The following CD38 variants were observed in gnomAD, a reference collection of about 807,000 sequenced individuals.
CD38 encodes CD38 molecule, also known as ADP-ribosyl cyclase/cyclic ADP-ribose hydrolase 1.
In CD38, 31 loss-of-function variants were observed where a neutral mutation model predicts 36.3. That is an observed-to-expected ratio of 0.85 (90% CI 0.64 to 1.15). The LOEUF is 1.15. CD38 is among the 50% of genes most tolerant of loss of function. The probability of loss-of-function intolerance (pLI) is 0.00; values close to 1 mark genes in which losing one functional copy is unlikely to be tolerated. For missense variants in CD38, 380 were observed against 371.9 expected (o/e 1.02, Z -0.18); for synonymous variants, 131 against 135.2 (o/e 0.97, Z 0.22).
intron 3 of CD38, among the ~76,000 whole-genome samples, chr4:15,830,710 T>C (rs1723942199): frequency 6.6e-6 from 1 of 152,144 alleles, no homozygotes; most frequent in Non-Finnish European, 1.5e-5. Flanking sequence ...TTTCTTGTAG[T>C]AGTTTGCAGT....
At chr4:15,839,471 TG>T (rs2148928433) in intron 5 of CD38, among the ~76,000 whole-genome samples, 1 of 142,802 alleles carries the variant, frequency 7.0e-6, no homozygotes, top group Admixed American at 7.3e-5. Context: ...TTGCCCAGGC[TG>T]GAGTGCAGTG....
At chr4:15,818,660 G>T (rs1271225692) in intron 2 of CD38, among the ~76,000 whole-genome samples, 3 of 152,154 alleles carry the variant, frequency 2.0e-5, no homozygotes, top group African/African-American at 7.2e-5. Context: ...GGAAGGAGCA[G>T]GCTGTCATCT....
At chr4:15,832,747 C>T (rs367865667) in intron 3 of CD38, among the ~76,000 whole-genome samples, 8 of 152,268 alleles carry the variant, frequency 5.3e-5, no homozygotes, top group African/African-American at 1.9e-4. Context: ...TATATTTGCT[C>T]AAGGCTCTGG....
intron 3 of CD38, among the ~76,000 whole-genome samples, chr4:15,830,637 C>T (rs372909041): frequency 5.3e-5 from 8 of 152,192 alleles, no homozygotes; most frequent in African/African-American, 1.9e-4. Context: ...TGCCTGTGCT[C>T]ATGGGGTATT....
intron 1 of CD38, among the ~76,000 whole-genome samples, chr4:15,811,897 G>A (rs2148921096): frequency 6.6e-6 from 1 of 152,286 alleles, no homozygotes; most frequent in South Asian, 2.1e-4. Flanking sequence ...GTATGGTAAG[G>A]GTCTTAACAC....
At chr4:15,813,308 G>GTT (rs150758066) in intron 1 of CD38, among the ~76,000 whole-genome samples, 1 of 151,832 alleles carries the variant, frequency 6.6e-6, no homozygotes, top group African/African-American at 2.4e-5. Flanking sequence ...TCTGCTCAGT[G>GTT]TTTTTTTCAT....
At chr4:15,832,865 A>G (rs1216446277) in intron 3 of CD38, among the ~76,000 whole-genome samples, 1 of 152,182 alleles carries the variant, frequency 6.6e-6, no homozygotes, top group Non-Finnish European at 1.5e-5. Context: ...TCCAGAAGCC[A>G]GGGACTAGAG....
At chr4:15,837,988 A>T in intron 4 of CD38, 104 bp from the exon 5 acceptor site, 2 of 878,198 alleles carry the variant, frequency 2.3e-6, no homozygotes, top group Admixed American at 2.1e-5. Context: ...ACCATATGGG[A>T]TATCCTTCCT....
chr4:15,822,964 G>C (rs1010803013), intron 2 of CD38, among the ~76,000 whole-genome samples: 10 of 151,998 alleles, frequency 6.6e-5, no homozygotes, highest in Non-Finnish European at 1.5e-4. Context: ...AAATAGCATG[G>C]TACTTGTACA....
At chr4:15,827,928 T>C (rs1437423516) in intron 3 of CD38, among the ~76,000 whole-genome samples, 1 of 152,196 alleles carries the variant, frequency 6.6e-6, no homozygotes, top group African/African-American at 2.4e-5. Flanking sequence ...CAATTTATAA[T>C]TGTATGTATT....
intron 1 of CD38, among the ~76,000 whole-genome samples, chr4:15,781,231 A>G (rs1467502325): frequency 1.3e-5 from 2 of 152,208 alleles, no homozygotes; most frequent in Non-Finnish European, 2.9e-5. Context: ...CAGTGTTACC[A>G]AACTTTTTAC....
rs556665381 is a variant in CD38 at position 15,837,779 on chromosome 4, A to G, written c.586-313A>G. 2.0e-5 allele frequency among the ~76,000 whole-genome samples: 3 copies of G among 152,284 alleles called. No homozygotes were observed. In the East Asian group the frequency reaches 5.8e-4, roughly 29 times the overall value. On this transcript the variant is annotated intron_variant, in intron 4 of 7. Transcript: ENST00000226279. ...TGCATGACACTGAGAAAGCACTTTC[A>G]TCTTCCCCCTCTAGACATTCCTCTT...
chr4:15,829,327 T>C (rs1723914825), intron 3 of CD38, among the ~76,000 whole-genome samples: 1 of 152,144 alleles, frequency 6.6e-6, no homozygotes, highest in Admixed American at 6.5e-5. Flanking sequence ...TCATGAAAAA[T>C]GTCTCTTTCC....
intron 2 of CD38, among the ~76,000 whole-genome samples, chr4:15,819,520 T>A (rs115690005): frequency 0.021 from 3,184 of 152,206 alleles, 66 homozygotes; most frequent in Non-Finnish European, 0.032. Context: ...ATAGGAGCTG[T>A]TAACCAGAAT....
intron 3 of CD38, among the ~76,000 whole-genome samples, chr4:15,829,964 T>C (rs1723926751): frequency 6.6e-6 from 1 of 152,226 alleles, no homozygotes; most frequent in African/African-American, 2.4e-5. Context: ...TGTGTATAAA[T>C]ACCACATTTT....
rs555621927 is a variant in CD38 at position 15,788,368 on chromosome 4, G to A, written c.233+9721G>A. The stretch of plus-strand genomic sequence containing the variant: ...ATTAGAAACATGTTGTTTGTCAGCC[G>A]AAACAGGGAAACCTGACACGTTATC... On this transcript the variant is annotated intron_variant, in intron 1 of 7. Transcript: ENST00000226279. 1.2e-4 allele frequency among the ~76,000 whole-genome samples: 18 copies of A among 152,196 alleles called. 1 individual carries two copies. Among genetic ancestry groups the A allele is most frequent in the African/African-American group, 3.9e-4 (16 of 41,526 alleles).
chr4:15,787,213 G>A (rs777967921), intron 1 of CD38, among the ~76,000 whole-genome samples: 1 of 152,264 alleles, frequency 6.6e-6, no homozygotes, highest in Admixed American at 6.5e-5. Flanking sequence ...CGCAGAGGCC[G>A]GGGGGCACTG....
intron 1 of CD38, among the ~76,000 whole-genome samples, chr4:15,813,594 C>G (rs1723519091): frequency 6.6e-6 from 1 of 152,126 alleles, no homozygotes; most frequent in Admixed American, 6.6e-5. Context: ...TCTCCCTCCC[C>G]TTGCTCCCCA....
Position 15,834,320 on chromosome 4 carries a change from A to G in CD38, c.585+18A>G, listed in dbSNP as rs753658365. 6.6e-7 allele frequency: 1 copy of G among 1,522,998 alleles called. No individual in the cohort carries two copies. Among genetic ancestry groups the G allele is most frequent in the East Asian group, 2.2e-5 (1 of 44,476 alleles). The allele number at this position is 1,522,998 out of a possible 1,614,324, so 94.3% of individuals were successfully genotyped here. On this transcript the variant is annotated intron_variant, in intron 4 of 7. Transcript: ENST00000226279. ...CCCGCAGGGTAAGTACCAAGTAGTG[A>G]AATTCTAGAGCTTTGGAGACCACAG...
Sources: gnomAD v4.1 joint callset for allele counts (sites outside exome capture counted in the v4.1 genomes callset) on GRCh38, gnomAD v4.1.1 for gene constraint, MANE v1.5 for transcripts, NCBI Gene and HGNC (gene_info 2026-07-23, HGNC 2026-07-21) for gene names.